Variants in RSU1 observed in about 807,000 individuals in gnomAD.
The protein encoded by RSU1 is rsu-1.
A neutral mutation model predicts 31.1 loss-of-function variants in RSU1; 26 were observed. The observed-to-expected ratio is 0.84, with a 90% confidence interval of 0.61 to 1.16. The LOEUF (loss-of-function observed/expected upper bound fraction) is 1.16, where lower values mean the gene tolerates loss of function less well. RSU1 is among the 50% of genes most tolerant of loss of function. The probability of loss-of-function intolerance (pLI) is 0.00; values close to 1 mark genes in which losing one functional copy is unlikely to be tolerated. For missense variants in RSU1, 320 were observed against 339.1 expected, an observed-to-expected ratio of 0.94 and a Z score of 0.44; for synonymous variants, 164 against 136.3, an observed-to-expected ratio of 1.20 and a Z score of -1.41.
chr10:16,684,931 G>A (rs1440226220), intron 8 of RSU1, among the ~76,000 whole-genome samples: 2 of 152,158 alleles, frequency 1.3e-5, no homozygotes, highest in Admixed American at 1.3e-4. Flanking sequence ...TTTTGACAAT[G>A]ACAGTATTGT....
Position 16,764,421 on chromosome 10 carries a change from T to A in RSU1, c.250A>T (p.Ser84Cys), listed in dbSNP as rs534237995. 8.7e-6 allele frequency: 14 copies of A among 1,613,908 alleles called. No individual in the cohort carries two copies. The African/African-American group carries it at 1.9e-4, about 22-fold the overall frequency. Residue 84 changes from serine (S) to cysteine (C), a missense_variant, in exon 4 of 9, where the codon AGC becomes TGC. Physicochemically the swap from Ser to Cys is moderately radical, Grantham distance 112. Transcript: ENST00000345264. ...TTCAGGTGTTTGAGTTTCTGAAGGC[T>A]ACTGATCTGTGTGGGCAGCTCCTCG... ...QIEELPTQIS[S>C]LQKLKHLNLG...
intron 8 of RSU1, among the ~76,000 whole-genome samples, chr10:16,623,616 A>G (rs897288894): frequency 6.6e-6 from 1 of 152,190 alleles, no homozygotes; most frequent in African/African-American, 2.4e-5. Flanking sequence ...TTTCACAGTG[A>G]TTGAACTAAC....
intron 7 of RSU1, among the ~76,000 whole-genome samples, chr10:16,709,448 A>G (rs925739723): frequency 5.9e-5 from 9 of 152,164 alleles, no homozygotes; most frequent in African/African-American, 2.2e-4. Flanking sequence ...TAGTGCCGCA[A>G]TAAACATACG....
At chr10:16,766,181 G>C (rs534989442) in intron 3 of RSU1, among the ~76,000 whole-genome samples, 1 of 152,228 alleles carries the variant, frequency 6.6e-6, no homozygotes, top group Admixed American at 6.5e-5. Context: ...GGGAGCAGTG[G>C]TCTAGTGAGC....
chr10:16,761,097 C>G (rs942871574), intron 4 of RSU1, among the ~76,000 whole-genome samples: 3 of 152,110 alleles, frequency 2.0e-5, no homozygotes, highest in Non-Finnish European at 4.4e-5. Context: ...CAGGCACGTG[C>G]CACCACACTT....
chr10:16,790,095 A>AT (rs922874817), intron 2 of RSU1, among the ~76,000 whole-genome samples: 13 of 152,224 alleles, frequency 8.5e-5, no homozygotes, highest in African/African-American at 2.9e-4. Context: ...GTGATTTATG[A>AT]TTTTTTTATT....
chr10:16,727,403 G>T (rs1026634855), intron 7 of RSU1, among the ~76,000 whole-genome samples: 2 of 152,168 alleles, frequency 1.3e-5, no homozygotes, highest in African/African-American at 4.8e-5. Flanking sequence ...GCCAATTAAA[G>T]TTCAAACAGA....
intron 2 of RSU1, among the ~76,000 whole-genome samples, chr10:16,790,720 G>A (rs765795720): frequency 6.6e-6 from 1 of 152,112 alleles, no homozygotes; most frequent in Admixed American, 6.5e-5. Flanking sequence ...TGGATCATGG[G>A]GGTGGATTCC....
At chr10:16,802,834 C>T (rs149656368) in intron 2 of RSU1, among the ~76,000 whole-genome samples, 187 of 152,176 alleles carry the variant, frequency 1.2e-3, no homozygotes, top group African/African-American at 4.1e-3. Flanking sequence ...AAATTCAACA[C>T]CCATAAAAAC....
chr10:16,802,338 A>G (rs116296297), intron 2 of RSU1, among the ~76,000 whole-genome samples: 7,899 of 152,200 alleles, frequency 0.052, 254 homozygotes, highest in African/African-American at 0.094. Context: ...AAATGGACCA[A>G]CTGCTGGAAA....
intron 7 of RSU1, among the ~76,000 whole-genome samples, chr10:16,720,305 A>G (rs1836227381): frequency 6.6e-6 from 1 of 152,230 alleles, no homozygotes; most frequent in African/African-American, 2.4e-5. Context: ...AATATTCTGG[A>G]TAGCAATGAA....
intron 8 of RSU1, among the ~76,000 whole-genome samples, chr10:16,596,442 T>C (rs1222463501): frequency 6.6e-6 from 1 of 152,194 alleles, no homozygotes; most frequent in East Asian, 1.9e-4. Flanking sequence ...TCCTCAGATG[T>C]TGATCTACTC....
At chr10:16,666,731 T>C (rs1369883407) in intron 8 of RSU1, among the ~76,000 whole-genome samples, 5 of 152,120 alleles carry the variant, frequency 3.3e-5, no homozygotes, top group Non-Finnish European at 7.4e-5. Context: ...CACACACCTG[T>C]AATCTCAGCA....
Position 16,695,038 on chromosome 10 carries a change from G to A in RSU1, c.716C>T (p.Ser239Phe). The change falls in exon 8 of 9, where the codon TCT becomes TTT. Residue 239 changes from serine (S) to phenylalanine (F), a missense_variant. Transcript: ENST00000345264. ...GTCTACTTACTATTTGTATGTCTCA[G>A]AACGGATATACTCAAAAACATGGGA... ...GVSHVFEYIR[S>F]ETYKYLYGRH... The A allele has an allele frequency of 6.2e-7, 1 of 1,613,104 alleles. No homozygotes were observed. The highest frequency in any genetic ancestry group is 1.3e-5 in the African/African-American group (1 of 74,888).
intron 7 of RSU1, among the ~76,000 whole-genome samples, chr10:16,729,565 C>G (rs964142675): frequency 3.3e-5 from 5 of 152,164 alleles, no homozygotes; most frequent in African/African-American, 9.7e-5. Flanking sequence ...TGCCCGCCCC[C>G]GTCTTCGCTA....
chr10:16,738,866 C>CT (rs1836691441), intron 7 of RSU1, among the ~76,000 whole-genome samples: 1 of 144,772 alleles, frequency 6.9e-6, no homozygotes, highest in Non-Finnish European at 1.5e-5. Context: ...CCTTGCCCCC[C>CT]ACCCCCCCAG....
intron 4 of RSU1, among the ~76,000 whole-genome samples, chr10:16,763,973 G>C (rs1193657383): frequency 6.6e-6 from 1 of 152,082 alleles, no homozygotes; most frequent in Non-Finnish European, 1.5e-5. Context: ...AGCATCATTA[G>C]GGAAAATATT....
At chr10:16,616,721 T>A (rs986216743) in intron 8 of RSU1, among the ~76,000 whole-genome samples, 12 of 152,142 alleles carry the variant, frequency 7.9e-5, no homozygotes, top group Non-Finnish European at 1.5e-4. Context: ...CATACGCAAA[T>A]CAATAAAAGT....
chr10:16,643,593 G>A (rs1289253309), intron 8 of RSU1, among the ~76,000 whole-genome samples: 1 of 152,062 alleles, frequency 6.6e-6, no homozygotes, highest in Non-Finnish European at 1.5e-5. Context: ...ATAACATAAA[G>A]TGAGCAGTAT....
Sources: gnomAD v4.1 joint callset for allele counts (sites outside exome capture counted in the v4.1 genomes callset) on GRCh38, gnomAD v4.1.1 for gene constraint, MANE v1.5 for transcripts, NCBI Gene and HGNC (gene_info 2026-07-23, HGNC 2026-07-21) for gene names.